The following PDS5A variants were observed in gnomAD, a reference collection of about 807,000 sequenced individuals.
PDS5A encodes sister chromatid cohesion protein PDS5 homolog A.
In PDS5A, 42 loss-of-function variants were observed where a neutral mutation model predicts 167.1. The observed-to-expected ratio is 0.25, with a 90% CI of 0.20 to 0.33. The LOEUF is 0.33. Ranked by LOEUF, PDS5A falls within the 10% of genes least tolerant of loss-of-function variation. PDS5A has a pLI of 1.00. For synonymous variants in PDS5A, 553 were observed against 554.6 expected (o/e 1.00, Z 0.04); for missense variants, 1,033 against 1,605.9 (o/e 0.64, Z 6.10).
intron 23 of PDS5A, 116 bp downstream of exon 23, chr4:39,866,745 G>T: frequency 1.2e-6 from 1 of 832,040 alleles, no homozygotes; most frequent in Non-Finnish European, 1.8e-6. Context: ...CATAAGATCT[G>T]ACCCTGAAGA....
intron 17 of PDS5A, among the ~76,000 whole-genome samples, chr4:39,883,009 T>C (rs1721092227): frequency 6.6e-6 from 1 of 152,158 alleles, no homozygotes; most frequent in Admixed American, 6.5e-5. Context: ...GTGAAAACTC[T>C]TCTAATTTTC....
chr4:39,882,068 T>C (rs552790389), intron 17 of PDS5A, among the ~76,000 whole-genome samples: 58 of 152,302 alleles, frequency 3.8e-4, no homozygotes, highest in Non-Finnish European at 3.8e-4. Flanking sequence ...AACTGCAAGT[T>C]CATTAAAACC....
intron 26 of PDS5A, among the ~76,000 whole-genome samples, chr4:39,857,210 G>A (rs1297834624): frequency 6.6e-6 from 1 of 152,026 alleles, no homozygotes; most frequent in East Asian, 1.9e-4. Context: ...AAATTAGCTG[G>A]GCATGGTGGC....
At chr4:39,963,985 C>A (rs183333279) in intron 2 of PDS5A, among the ~76,000 whole-genome samples, 83 of 152,234 alleles carry the variant, frequency 5.5e-4, no homozygotes, top group African/African-American at 1.9e-3. Flanking sequence ...TGACTCACTG[C>A]AACCTCTGCC....
At chr4:39,842,938 T>TATATATATATATATATATA (rs1349599395) in intron 30 of PDS5A, among the ~76,000 whole-genome samples, 240 of 132,798 alleles carry the variant, frequency 1.8e-3, no homozygotes, top group South Asian at 3.1e-3. Context: ...TATATATATA[T>TATATATATATATATATATA]TTTAAGAGAC....
chr4:39,941,127 A>G (rs927228092), intron 2 of PDS5A, among the ~76,000 whole-genome samples: 2 of 152,208 alleles, frequency 1.3e-5, no homozygotes, highest in Non-Finnish European at 2.9e-5. Flanking sequence ...ACTTTTCTCC[A>G]ATTTTTCTTA....
chr4:39,860,070 TAA>T (rs1718854465), intron 26 of PDS5A, among the ~76,000 whole-genome samples: 1 of 150,708 alleles, frequency 6.6e-6, no homozygotes, highest in African/African-American at 2.4e-5. Flanking sequence ...CGCATCTCTA[TAA>T]AGAGAGAGAA....
At chr4:39,911,689 G>A (rs770509410) in intron 9 of PDS5A, among the ~76,000 whole-genome samples, 6 of 151,854 alleles carry the variant, frequency 4.0e-5, no homozygotes, top group South Asian at 4.2e-4. Context: ...AAAATTAGCC[G>A]GGCGCACTGG....
Position 39,862,859 on chromosome 4 carries a change from A to T in PDS5A, c.2971+10T>A. The T allele has an allele frequency of 1.3e-6, 2 of 1,552,282 alleles. No individual in the cohort carries two copies. Among genetic ancestry groups the T allele is most frequent in the Non-Finnish European group, 1.8e-6 (2 of 1,131,360 alleles). On this transcript the variant is annotated intron_variant, in intron 25 of 32. Transcript: ENST00000303538. ...ATATATTTGCACACGGAGAACTCTG[A>T]GTTACTTACCAGTAGCCATAGGATT...
chr4:39,953,338 G>A (rs1317015206), intron 2 of PDS5A, among the ~76,000 whole-genome samples: 1 of 152,000 alleles, frequency 6.6e-6, no homozygotes, highest in African/African-American at 2.4e-5. Flanking sequence ...TTGTTGGTAT[G>A]AAATAAGGGC....
rs571706753 is a variant in PDS5A at position 39,974,325 on chromosome 4, T to C, written c.138+2115A>G. The C allele has an allele frequency of 2.6e-5, 13 of 508,160 alleles. No individual in the cohort carries two copies. In the Middle Eastern group the frequency reaches 1.0e-3, roughly 39 times the overall value. The allele number at this position is 508,160 out of a possible 1,614,324, so 31.5% of individuals were successfully genotyped here. On this transcript the variant is annotated intron_variant, in intron 2 of 32. Coordinates refer to ENST00000303538, the MANE Select transcript of PDS5A (RefSeq NM_001100399.2). ...CCATGAGTCATGTCAACAGAGCGGT[T>C]GCTAACACATCAACTTTCCATTTTT... is the stretch of plus-strand genomic sequence containing the variant.
At chr4:39,960,122 T>G (rs1287862613) in intron 2 of PDS5A, among the ~76,000 whole-genome samples, 1 of 150,370 alleles carries the variant, frequency 6.7e-6, no homozygotes, top group African/African-American at 2.5e-5. Flanking sequence ...CCACAAAAAG[T>G]AGCTGGGCGT....
At chr4:39,901,795 C>T (rs953770683) in intron 13 of PDS5A, among the ~76,000 whole-genome samples, 4 of 151,760 alleles carry the variant, frequency 2.6e-5, no homozygotes, top group South Asian at 2.1e-4. Context: ...ATTACATATA[C>T]GATGGTGTAC....
At chr4:39,970,464 C>T (rs1038666897) in intron 2 of PDS5A, among the ~76,000 whole-genome samples, 11 of 150,090 alleles carry the variant, frequency 7.3e-5, no homozygotes, top group African/African-American at 2.4e-4. Flanking sequence ...AAAAGCTGTC[C>T]TTTTTCTCCC....
At chr4:39,934,208 G>C (rs866742631) in intron 2 of PDS5A, among the ~76,000 whole-genome samples, 2 of 152,228 alleles carry the variant, frequency 1.3e-5, no homozygotes, top group Non-Finnish European at 1.5e-5. Context: ...TTTCTGATTA[G>C]AGCACAGGAT....
intron 2 of PDS5A, among the ~76,000 whole-genome samples, chr4:39,944,822 T>C (rs1276688061): frequency 6.6e-6 from 1 of 151,758 alleles, no homozygotes; most frequent in African/African-American, 2.4e-5. Context: ...GATGGAAGAA[T>C]AAAACGAGTG....
At chr4:39,958,018 G>C (rs969414086) in intron 2 of PDS5A, among the ~76,000 whole-genome samples, 4 of 151,800 alleles carry the variant, frequency 2.6e-5, no homozygotes, top group Admixed American at 1.3e-4. Context: ...AGCCTCCTGA[G>C]TAGCTGGGAC....
rs545692999 is a variant in PDS5A at position 39,838,288 on chromosome 4, G to C, written c.3658-80C>G. On this transcript the variant is annotated intron_variant, in intron 31 of 32. Coordinates refer to ENST00000303538, the MANE Select transcript of PDS5A (RefSeq NM_001100399.2). The stretch of plus-strand genomic sequence containing the variant: ...TCTATTAGAAAAGAGTGTTTTGAAA[G>C]TATTTTAAAGGAGTCTGGATTTGAG... 7 of 1,064,716 alleles carry C rather than the reference G, an allele frequency of 6.6e-6. No individual in the cohort carries two copies. In the East Asian group the frequency reaches 1.8e-4, roughly 28 times the overall value. The allele number at this position is 1,064,716 out of a possible 1,614,324, so 66.0% of individuals were successfully genotyped here.
At chr4:39,911,705 G>A (rs930642835) in intron 9 of PDS5A, among the ~76,000 whole-genome samples, 5 of 151,924 alleles carry the variant, frequency 3.3e-5, no homozygotes, top group Admixed American at 2.0e-4. Flanking sequence ...ACTGGCGGGC[G>A]CCTGTAGTCC....
Sources: gnomAD v4.1 joint callset for allele counts (sites outside exome capture counted in the v4.1 genomes callset) on GRCh38, gnomAD v4.1.1 for gene constraint, MANE v1.5 for transcripts, NCBI Gene and HGNC (gene_info 2026-07-23, HGNC 2026-07-21) for gene names.